Variants in TYW1B observed in about 807,000 individuals in gnomAD.
The protein encoded by TYW1B is tRNA-yW synthesizing protein 1 homolog B.
A neutral mutation model predicts 86.9 loss-of-function variants in TYW1B; 73 were observed. The observed-to-expected ratio is 0.84, with a 90% confidence interval of 0.70 to 1.02. The LOEUF (loss-of-function observed/expected upper bound fraction) is 1.02, where lower values mean the gene tolerates loss of function less well. Ranked by LOEUF, TYW1B falls within the 50% of genes least tolerant of loss-of-function variation. The probability of loss-of-function intolerance (pLI) is 0.00; values close to 1 mark genes in which losing one functional copy is unlikely to be tolerated. For synonymous variants in TYW1B, 248 were observed against 292.8 expected, an observed-to-expected ratio of 0.85 and a Z score of 1.56; for missense variants, 637 against 827.4, an observed-to-expected ratio of 0.77 and a Z score of 2.82.
chr7:72,612,111 T>G (rs1470027365), intron 13 of TYW1B, among the ~76,000 whole-genome samples: 1 of 152,176 alleles, frequency 6.6e-6, no homozygotes, highest in Admixed American at 6.5e-5. Flanking sequence ...TTCTAGGTAC[T>G]TTAAATATGT....
intron 11 of TYW1B, among the ~76,000 whole-genome samples, chr7:72,667,438 G>A (rs1554445514): frequency 1.3e-5 from 2 of 152,206 alleles, no homozygotes; most frequent in African/African-American, 4.8e-5. Flanking sequence ...GAGGAGGCCA[G>A]GCGCGGTGGC....
intron 6 of TYW1B, among the ~76,000 whole-genome samples, chr7:72,789,260 A>G (rs1788179564): frequency 6.6e-6 from 1 of 152,126 alleles, no homozygotes; most frequent in Non-Finnish European, 1.5e-5. Flanking sequence ...CAGCCTCCTG[A>G]GTAGTTGGGA....
chr7:72,789,854 TAAAGAATA>T, intron 6 of TYW1B, among the ~76,000 whole-genome samples: 1 of 148,196 alleles, frequency 6.7e-6, no homozygotes, highest in East Asian at 2.0e-4. Flanking sequence ...CAGTGTACAA[TAAAGAATA>T]AGATGTCTAG....
In TYW1B at chr7:72,810,675, A is replaced by G; in HGVS notation, c.238-10T>C. On this transcript the variant is annotated splice_polypyrimidine_tract_variant and intron_variant, in intron 3 of 13. Coordinates refer to ENST00000620995, the MANE Select transcript of TYW1B (RefSeq NM_001145440.3). ...CATTTTTACTAGTCACCTAACCAAG[A>G]AAGTAATTGTTTCAGTGGAACATAC... is the stretch of plus-strand genomic sequence containing the variant. 15 of 1,591,288 alleles carry G rather than the reference A, an allele frequency of 9.4e-6. No individual in the cohort carries two copies. Among genetic ancestry groups the G allele is most frequent in the Non-Finnish European group, 1.2e-5 (14 of 1,168,108 alleles).
At chr7:72,587,931 T>C (rs1811310491) in intron 13 of TYW1B, among the ~76,000 whole-genome samples, 1 of 152,236 alleles carries the variant, frequency 6.6e-6, no homozygotes, top group Non-Finnish European at 1.5e-5. Flanking sequence ...GTCTCAGTCA[T>C]AATTTTGCAA....
intron 11 of TYW1B, among the ~76,000 whole-genome samples, chr7:72,661,187 T>C (rs1403970791): frequency 8.0e-6 from 1 of 125,364 alleles, no homozygotes; most frequent in Non-Finnish European, 1.7e-5. Flanking sequence ...AAGAATCAGC[T>C]GAATAATTGG....
chr7:72,725,528 G>A (rs1786983045), intron 9 of TYW1B, among the ~76,000 whole-genome samples: 3 of 152,088 alleles, frequency 2.0e-5, no homozygotes, highest in Admixed American at 6.6e-5. Context: ...TCTGGGTCAC[G>A]GCGTCCAGAT....
chr7:72,648,911 A>C (rs1288880055), intron 11 of TYW1B, among the ~76,000 whole-genome samples: 1 of 152,200 alleles, frequency 6.6e-6, no homozygotes, highest in Non-Finnish European at 1.5e-5. Context: ...TACTGTAAGC[A>C]AAGTAACCAT....
intron 8 of TYW1B, among the ~76,000 whole-genome samples, chr7:72,731,125 G>GA (rs1162938084): frequency 0.03 from 2,123 of 70,878 alleles, 55 homozygotes; most frequent in African/African-American, 0.066. Flanking sequence ...CTAAGGGCTG[G>GA]AAAAAAAAAA....
At chr7:72,761,709 C>T (rs142080806) in intron 7 of TYW1B, among the ~76,000 whole-genome samples, 259 of 149,044 alleles carry the variant, frequency 1.7e-3, no homozygotes, top group African/African-American at 6.1e-3. Context: ...AATAGAATAC[C>T]GAAAGGGAGA....
intron 7 of TYW1B, among the ~76,000 whole-genome samples, chr7:72,775,920 G>C (rs782136756): frequency 1.3e-5 from 2 of 152,064 alleles, no homozygotes; most frequent in African/African-American, 2.4e-5. Flanking sequence ...TAGATGTTTT[G>C]ATTGAGTTAG....
intron 2 of TYW1B, 41 bp downstream of exon 2, chr7:72,826,814 T>C (rs1289260832): frequency 2.5e-6 from 4 of 1,592,300 alleles, no homozygotes; most frequent in Non-Finnish European, 3.4e-6. Flanking sequence ...CTATAAAATC[T>C]GATGCCTAAA....
chr7:72,680,433 A>C (rs1335140011), intron 11 of TYW1B, among the ~76,000 whole-genome samples: 4 of 152,082 alleles, frequency 2.6e-5, no homozygotes, highest in African/African-American at 9.7e-5. Flanking sequence ...TCGAACATCA[A>C]ACTCCAAGAT....
chr7:72,816,840 G>A (rs1221563925), intron 2 of TYW1B, among the ~76,000 whole-genome samples: 1 of 152,180 alleles, frequency 6.6e-6, no homozygotes, highest in Non-Finnish European at 1.5e-5. Context: ...GCCAGAAACG[G>A]CCTGGAAGCC....
intron 2 of TYW1B, among the ~76,000 whole-genome samples, chr7:72,825,141 A>C (rs1274377285): frequency 2.0e-5 from 3 of 151,686 alleles, no homozygotes; most frequent in African/African-American, 7.3e-5. Context: ...ATCAAAGTAC[A>C]TACCAGATAA....
chr7:72,730,408 T>G (rs542971911), intron 8 of TYW1B, among the ~76,000 whole-genome samples: 1 of 145,518 alleles, frequency 6.9e-6, no homozygotes, highest in Non-Finnish European at 1.5e-5. Context: ...AACAGAAAAC[T>G]TGAAGGTGAA....
At chr7:72,607,916 T>C (rs1811843262) in intron 13 of TYW1B, among the ~76,000 whole-genome samples, 1 of 152,136 alleles carries the variant, frequency 6.6e-6, no homozygotes, top group African/African-American at 2.4e-5. Flanking sequence ...ATCAAACTTC[T>C]GAAAACTCAA....
intron 10 of TYW1B, among the ~76,000 whole-genome samples, chr7:72,710,294 C>T (rs1554454445): frequency 3.3e-5 from 5 of 152,128 alleles, no homozygotes; most frequent in Non-Finnish European, 7.3e-5. Context: ...CCACTCTATC[C>T]CAATGTCCCG....
intron 11 of TYW1B, among the ~76,000 whole-genome samples, chr7:72,664,368 C>T (rs183865830): frequency 3.9e-5 from 6 of 151,944 alleles, no homozygotes; most frequent in Admixed American, 3.9e-4. Context: ...ACTGAGGTAA[C>T]TAGTAGATAA....
Sources: allele counts gnomAD v4.1 joint callset (sites outside exome capture counted in the v4.1 genomes callset), GRCh38; gene constraint gnomAD v4.1.1; transcripts MANE v1.5; gene names NCBI Gene and HGNC (gene_info 2026-07-23, HGNC 2026-07-21).